The following PTCD3 variants were observed in gnomAD, a reference collection of about 807,000 sequenced individuals.
PTCD3 encodes the protein pentatricopeptide repeat domain 3.
A neutral mutation model predicts 101.9 loss-of-function variants in PTCD3; 89 were observed. That is an observed-to-expected ratio of 0.87 (90% CI 0.74 to 1.04). The LOEUF (loss-of-function observed/expected upper bound fraction) is 1.04. PTCD3 is among the 50% of genes least tolerant of loss of function. The pLI is 0.00. For synonymous variants in PTCD3, 296 were observed against 278.5 expected (o/e 1.06, Z -0.63); for missense variants, 870 against 828.2 (o/e 1.05, Z -0.62).
chr2:86,139,204 TA>T lies in PTCD3; in HGVS notation c.*1649del, dbSNP rs1674643899. 6.6e-6 allele frequency: 1 copy of T among 152,208 alleles called. No homozygotes were observed. Among genetic ancestry groups the T allele is most frequent in the African/African-American group, 2.4e-5 (1 of 41,448 alleles). 9.4% of individuals were successfully genotyped at this position (152,208 alleles called of 1,614,324 possible). A position where few individuals can be genotyped will look rare whatever the true frequency, so the allele number is the denominator to read the frequency against. On this transcript the variant is annotated 3_prime_UTR_variant, in exon 24 of 24. Transcript: ENST00000254630. ...CATAGTCTTTAGCCTCTACTATGAG[TA>T]AAATGTTCTCTTCGGCCGGGTGTGG...
At chr2:86,106,490 G>A (rs1158929272) in intron 1 of PTCD3, 139 bp downstream of exon 1, 10 of 733,824 alleles carry the variant, frequency 1.4e-5, no homozygotes, top group Non-Finnish European at 2.0e-5. Context: ...TTAAGACCAG[G>A]TACGCGGAGG....
At position 86,121,548 on chromosome 2, in the gene PTCD3, C is replaced by CT; in HGVS notation, c.608_609insT (p.Ser204LeufsTer3). On this transcript the variant is annotated frameshift_variant, in exon 8 of 24. Coordinates refer to ENST00000254630, the MANE Select transcript of PTCD3 (RefSeq NM_017952.6). LOFTEE classifies it high-confidence loss of function. ...TTGTGTTACTATGGTGACCAGGAGC[C>CT]CTCAACTGATTACCATTTTCAACAA... 1 of 1,611,376 alleles carries CT rather than the reference C, an allele frequency of 6.2e-7. No homozygotes were observed.
chr2:86,113,644 A>C (rs1388615823), intron 4 of PTCD3, among the ~76,000 whole-genome samples: 3 of 152,000 alleles, frequency 2.0e-5, no homozygotes, highest in Non-Finnish European at 4.4e-5. Flanking sequence ...TGTCTCTACA[A>C]AAAAACACAA....
intron 7 of PTCD3, among the ~76,000 whole-genome samples, chr2:86,120,904 T>TA (rs1674267725): frequency 6.6e-6 from 1 of 152,160 alleles, no homozygotes; most frequent in South Asian, 2.1e-4. Flanking sequence ...AACAAAAAGA[T>TA]ACATTTACTT....
chr2:86,108,429 A>G, intron 2 of PTCD3, 27 bp downstream of exon 2: 3 of 1,595,376 alleles, frequency 1.9e-6, no homozygotes, highest in Non-Finnish European at 2.6e-6. Context: ...ATTGAATTCT[A>G]TTTTTATATC....
intron 14 of PTCD3, among the ~76,000 whole-genome samples, chr2:86,130,349 T>C (rs1034122192): frequency 5.3e-5 from 8 of 151,228 alleles, no homozygotes; most frequent in Admixed American, 5.3e-4. Context: ...GGTGAGGGAG[T>C]GTGTGTTACT....
In PTCD3 at chr2:86,125,891, A is replaced by C; in HGVS notation, c.951+11A>C. On this transcript the variant is annotated intron_variant, in intron 12 of 23. Transcript: ENST00000254630. ...TGGAGTAAAATACTGGTAAGGAGGA[A>C]TCCTCAGTTTATTTTTTAATAGGGC... 6.4e-7 allele frequency: 1 copy of C among 1,555,954 alleles called. No homozygotes were observed. The highest frequency in any genetic ancestry group is 8.9e-7 in the Non-Finnish European group (1 of 1,128,730).
At position 86,130,734 on chromosome 2, in the gene PTCD3, G is replaced by A; in HGVS notation, c.1234G>A (p.Asp412Asn). ...GAGATTTTCTCCAAAGGACCCGGAT[G>A]ATGGCATGTATAGAAATCACTTGTG... is the stretch of plus-strand genomic sequence containing the variant. ...GKRFSPKDPD[D>N]DKFFQSAMSI... Residue 412 changes from aspartate to asparagine, a missense_variant, in exon 15 of 24, where the codon GAT becomes AAT. Asp to Asn is a conservative substitution (Grantham distance 23). Coordinates refer to ENST00000254630, the MANE Select transcript of PTCD3 (RefSeq NM_017952.6). The A allele has an allele frequency of 6.2e-7, 1 of 1,613,382 alleles. No homozygotes were observed. Among genetic ancestry groups the A allele is most frequent in the Non-Finnish European group, 8.5e-7 (1 of 1,179,712 alleles).
intron 1 of PTCD3, among the ~76,000 whole-genome samples, chr2:86,107,502 A>C (rs900098247): frequency 8.5e-5 from 13 of 152,328 alleles, no homozygotes; most frequent in East Asian, 3.9e-4. Context: ...TAGTAAGGGG[A>C]AACACAAGAT....
chr2:86,117,315 CTT>C (rs1674193715), intron 6 of PTCD3, among the ~76,000 whole-genome samples, 156 bp downstream of exon 6: 1 of 152,266 alleles, frequency 6.6e-6, no homozygotes, highest in East Asian at 1.9e-4. Context: ...ACAAGACTAA[CTT>C]TAAAATTCTT....
At chr2:86,132,626 T>TTTG (rs1558800037) in intron 17 of PTCD3, 581 of 319,040 alleles carry the variant, frequency 1.8e-3, no homozygotes, top group Non-Finnish European at 2.8e-3. Flanking sequence ...TTAAGGGTTT[T>TTTG]TTTTTTTTTT....
At chr2:86,117,494 C>G (rs55825865) in intron 6 of PTCD3, among the ~76,000 whole-genome samples, 1,565 of 151,448 alleles carry the variant, frequency 0.01, 18 homozygotes, top group Non-Finnish European at 0.017. Context: ...GTCACCCAGG[C>G]TGGAGTGCAA....
intron 4 of PTCD3, among the ~76,000 whole-genome samples, chr2:86,112,681 CAAAAAAAAAAAAAA>C (rs397953846): frequency 1.2e-5 from 1 of 81,310 alleles, no homozygotes; most frequent in Non-Finnish European, 2.5e-5. Flanking sequence ...GACTCTGTCT[CAAAAAAAAAAAAAA>C]AAAAAAAAAT....
chr2:86,118,140 G>C (rs1016243238), intron 6 of PTCD3, among the ~76,000 whole-genome samples: 4 of 152,068 alleles, frequency 2.6e-5, no homozygotes, highest in Non-Finnish European at 5.9e-5. Context: ...TTTTTATTGT[G>C]TATACTCTTC....
rs1674694211 is a variant in PTCD3 at position 86,141,980 on chromosome 2, G to A, written c.*4421G>A. 6.6e-6 allele frequency: 1 copy of A among 152,172 alleles called. No individual in the cohort carries two copies. The highest frequency in any genetic ancestry group is 6.5e-5 in the Admixed American group (1 of 15,282). The allele number at this position is 152,172 out of a possible 1,614,324, so 9.4% of individuals were successfully genotyped here. ...AGTTACATCTCAGGAAGATTTTTAA[G>A]CACGAGGAAGGAAAATACAGGCCTG... On this transcript the variant is annotated 3_prime_UTR_variant, in exon 24 of 24. Transcript: ENST00000254630.
intron 4 of PTCD3, among the ~76,000 whole-genome samples, chr2:86,112,706 T>A (rs1674112585): frequency 6.7e-6 from 1 of 148,260 alleles, no homozygotes; most frequent in Admixed American, 6.7e-5. Context: ...AAAAAAAAAT[T>A]TAAAATAAAA....
chr2:86,123,446 C>T (rs116506658), intron 8 of PTCD3, among the ~76,000 whole-genome samples: 3,314 of 152,264 alleles, frequency 0.022, 66 homozygotes, highest in Non-Finnish European at 0.034. Context: ...CCAGGCCATA[C>T]AGGGAACTGG....
In PTCD3 at chr2:86,124,986, T is replaced by C. The variant is rs771266450; in HGVS notation, c.717-9T>C. ...TTGCCTGGGTTCACATTTACTCTCTTGTGTCTAGAGCAAAAAACAACGCTG... is the reference window on the plus strand; with the variant it reads ...TTGCCTGGGTTCACATTTACTCTCTCGTGTCTAGAGCAAAAAACAACGCTG... On this transcript the variant is annotated splice_polypyrimidine_tract_variant and intron_variant, in intron 9 of 23. Coordinates refer to ENST00000254630, the MANE Select transcript of PTCD3 (RefSeq NM_017952.6). 1 of 1,613,638 alleles carries C rather than the reference T, an allele frequency of 6.2e-7. No homozygotes were observed. The highest frequency in any genetic ancestry group is 8.5e-7 in the Non-Finnish European group (1 of 1,179,922).
At chr2:86,118,010 C>T (rs1409519806) in intron 6 of PTCD3, among the ~76,000 whole-genome samples, 7 of 152,298 alleles carry the variant, frequency 4.6e-5, no homozygotes, top group Admixed American at 2.6e-4. Context: ...CTCCTGACCT[C>T]GTGATCCACC....
Sources: gnomAD v4.1 joint callset for allele counts (sites outside exome capture counted in the v4.1 genomes callset) on GRCh38, gnomAD v4.1.1 for gene constraint, MANE v1.5 for transcripts, NCBI Gene and HGNC (gene_info 2026-07-23, HGNC 2026-07-21) for gene names.